Variants in PRH1 observed in about 807,000 individuals in gnomAD.
PRH1 encodes proline rich protein HaeIII subfamily 1.
Under a neutral mutation model 7.9 loss-of-function variants are expected in PRH1, and 7 were observed. The ratio of observed to expected loss-of-function variants is 0.89; its 90% CI spans 0.50 to 1.67. The LOEUF is 1.67. PRH1 is among the 40% of genes most tolerant of loss of function. The pLI, the probability that PRH1 is intolerant of heterozygous loss-of-function variation, is 0.00. For missense variants in PRH1, 109 were observed against 223.6 expected, an observed-to-expected ratio of 0.49 and a Z score of 3.27; for synonymous variants, 45 against 80.8, an observed-to-expected ratio of 0.56 and a Z score of 2.38.
intron 1 of PRH1, among the ~76,000 whole-genome samples, chr12:11,167,162 A>T (rs1256910219): frequency 6.6e-6 from 1 of 152,158 alleles, no homozygotes; most frequent in Non-Finnish European, 1.5e-5. Context: ...TCTGCCTCCT[A>T]TACCGTGTAC....
chr12:11,168,264 G>GA (rs1555178275), intron 1 of PRH1, among the ~76,000 whole-genome samples: 1 of 34,122 alleles, frequency 2.9e-5, no homozygotes, highest in African/African-American at 8.6e-5. Flanking sequence ...AAGAAAGAAA[G>GA]AAAGAAAGAA....
At chr12:11,034,018 A>G (rs34453917) in intron 1 of PRH1, among the ~76,000 whole-genome samples, 54,936 of 133,044 alleles carry the variant, frequency 0.41, 12,187 homozygotes, top group Non-Finnish European at 0.49. Context: ...CATAATTTAT[A>G]ATGGTTATTT....
intron 1 of PRH1, among the ~76,000 whole-genome samples, chr12:11,041,793 T>C (rs908985593): frequency 1.3e-5 from 2 of 152,052 alleles, no homozygotes; most frequent in African/African-American, 2.4e-5. Context: ...CTGGCCACAA[T>C]GGGATAAAAC....
At chr12:11,007,005 A>T (rs1940863584) in intron 1 of PRH1, among the ~76,000 whole-genome samples, 2 of 152,148 alleles carry the variant, frequency 1.3e-5, no homozygotes, top group East Asian at 1.9e-4. Flanking sequence ...TCCTTGTTTA[A>T]CCTCTCCATA....
chr12:11,113,808 C>T (rs541571601), intron 1 of PRH1, among the ~76,000 whole-genome samples: 1 of 151,542 alleles, frequency 6.6e-6, no homozygotes, highest in East Asian at 1.9e-4. Flanking sequence ...TTTTTGCAAT[C>T]TATTAAACAA....
intron 1 of PRH1, among the ~76,000 whole-genome samples, chr12:10,974,268 C>T (rs1183361885): frequency 2.0e-5 from 3 of 152,182 alleles, no homozygotes; most frequent in African/African-American, 7.2e-5. Context: ...CACCTGCACC[C>T]CACCCCAGTC....
At chr12:11,160,388 A>T (rs1565716486) in intron 1 of PRH1, among the ~76,000 whole-genome samples, 1 of 152,362 alleles carries the variant, frequency 6.6e-6, no homozygotes, top group Admixed American at 6.5e-5. Context: ...GACGAGGAAG[A>T]TACAAATGCT....
intron 1 of PRH1, among the ~76,000 whole-genome samples, chr12:11,012,873 C>T (rs989203136): frequency 2.0e-5 from 3 of 152,026 alleles, no homozygotes; most frequent in African/African-American, 7.2e-5. Context: ...CATTTTTGAG[C>T]AGAATACAGA....
exon 1 of PRH1, chr12:11,171,431 C>T (rs1947840954): frequency 1.6e-6 from 2 of 1,231,948 alleles, no homozygotes; most frequent in African/African-American, 3.1e-5. Flanking sequence ...CCTCGTACGG[C>T]GTCTTCTGCA....
intron 2 of PRH1, among the ~76,000 whole-genome samples, chr12:10,963,186 A>G (rs1938337358): frequency 6.6e-6 from 1 of 152,146 alleles, no homozygotes. Flanking sequence ...AAATTTCATA[A>G]CTCCGAGAAT....
chr12:11,085,391 C>A (rs11560807), intron 1 of PRH1, among the ~76,000 whole-genome samples: 34,552 of 79,256 alleles, frequency 0.44, 7,930 homozygotes, highest in Non-Finnish European at 0.56. Flanking sequence ...AATACAAATT[C>A]TACCATTACT....
intron 2 of PRH1, among the ~76,000 whole-genome samples, chr12:10,946,158 G>A (rs967524287): frequency 3.9e-5 from 6 of 152,168 alleles, no homozygotes; most frequent in Non-Finnish European, 1.5e-5. Flanking sequence ...GACAGGCATA[G>A]GAAATCACAA....
chr12:11,025,401 T>A (rs994332323), intron 1 of PRH1, among the ~76,000 whole-genome samples: 1 of 152,298 alleles, frequency 6.6e-6, no homozygotes, highest in Non-Finnish European at 1.5e-5. Context: ...CCTGCTTCCA[T>A]GTTTTCTGTT....
At chr12:11,025,582 A>G (rs1392981675) in intron 1 of PRH1, among the ~76,000 whole-genome samples, 1 of 152,290 alleles carries the variant, frequency 6.6e-6, no homozygotes, top group Non-Finnish European at 1.5e-5. Context: ...TCAGGGATAC[A>G]TTTTATACCT....
Position 11,136,360 on chromosome 12 carries a change from GTAATGAT to G in PRH1, n.40-15187_40-15181del, listed in dbSNP as rs922534327. ...TATTGTTCCGTTGCATGGAATTAATGTAATGATTCACCCATCCTTAATGTACATTTGG... is the reference window on the plus strand; with the variant it reads ...TATTGTTCCGTTGCATGGAATTAATGTCACCCATCCTTAATGTACATTTGG... On this transcript the variant is annotated intron_variant and non_coding_transcript_variant, in intron 1 of 1. Coordinates refer to the PRH1 transcript ENST00000541175. Among the ~76,000 whole-genome samples the G allele has an allele frequency of 4.6e-4, 70 of 152,186 alleles. 1 individual carries two copies. The highest frequency in any genetic ancestry group is 1.6e-3 in the African/African-American group (67 of 41,528).
intron 1 of PRH1, among the ~76,000 whole-genome samples, chr12:11,127,835 G>A (rs996041061): frequency 6.5e-5 from 8 of 122,706 alleles, no homozygotes; most frequent in East Asian, 2.6e-4. Context: ...GGCCGGACAC[G>A]GTGGCTCACG....
intron 1 of PRH1, among the ~76,000 whole-genome samples, chr12:10,998,529 A>AAC (rs1482428297): frequency 6.6e-6 from 1 of 152,038 alleles, no homozygotes; most frequent in Non-Finnish European, 1.5e-5. Flanking sequence ...CAAGCTCATA[A>AAC]ACACACACAC....
chr12:10,899,073 A>T (rs1949688489), intron 2 of PRH1, among the ~76,000 whole-genome samples: 1 of 152,174 alleles, frequency 6.6e-6, no homozygotes, highest in African/African-American at 2.4e-5. Flanking sequence ...CTTGTGGCTG[A>T]TTTCTCCCTT....
At chr12:11,067,838 G>A (rs1300036417) in intron 1 of PRH1, among the ~76,000 whole-genome samples, 1 of 152,142 alleles carries the variant, frequency 6.6e-6, no homozygotes, top group Non-Finnish European at 1.5e-5. Context: ...ACTCCAGCCT[G>A]GGCAACAGAG....
Sources: gnomAD v4.1 joint callset for allele counts (sites outside exome capture counted in the v4.1 genomes callset) on GRCh38, gnomAD v4.1.1 for gene constraint, MANE v1.5 for transcripts, NCBI Gene and HGNC (gene_info 2026-07-23, HGNC 2026-07-21) for gene names.